SOCS7: variants seen among roughly 807,000 people sequenced by gnomAD.
The protein encoded by SOCS7 is NAP-4.
In SOCS7, 18 loss-of-function variants were observed where a neutral mutation model predicts 58.9. That is an observed-to-expected ratio of 0.31 (90% CI 0.21 to 0.45). The LOEUF is 0.45. Ranked by LOEUF, SOCS7 falls within the 20% of genes least tolerant of loss-of-function variation. The probability of loss-of-function intolerance (pLI) is 1.00; values close to 1 mark genes in which losing one functional copy is unlikely to be tolerated. For synonymous variants in SOCS7, 388 were observed against 364.3 expected (o/e 1.06, Z -0.74); for missense variants, 667 against 837.3 (o/e 0.80, Z 2.51).
At chr17:38,381,459 T>C (rs115793498) in intron 7 of SOCS7, among the ~76,000 whole-genome samples, 4,572 of 152,272 alleles carry the variant, frequency 0.03, 229 homozygotes, top group African/African-American at 0.11. Context: ...GTTCAGACTT[T>C]GGAATGATGA....
At chr17:38,398,534 A>G (rs2038274214) in intron 9 of SOCS7, among the ~76,000 whole-genome samples, 1 of 152,136 alleles carries the variant, frequency 6.6e-6, no homozygotes, top group Admixed American at 6.6e-5. Context: ...GGCATGAGCC[A>G]CTGTGCCCCA....
At chr17:38,389,120 ATGAAGTGGTAGC>A (rs1444454052) in intron 7 of SOCS7, among the ~76,000 whole-genome samples, 1 of 152,208 alleles carries the variant, frequency 6.6e-6, no homozygotes, top group Non-Finnish European at 1.5e-5. Context: ...CCTAGTGAGT[ATGAAGTGGTAGC>A]TCATTGTGGT....
chr17:38,377,758 C>G lies in SOCS7; in HGVS notation c.1597C>G (p.Gln533Glu). 1 of 1,613,136 alleles carries G rather than the reference C, an allele frequency of 6.2e-7. No homozygotes were observed. Among genetic ancestry groups the G allele is most frequent in the Non-Finnish European group, 8.5e-7 (1 of 1,179,444 alleles). ...WCHPKFEDRC[Q>E]SVVEFIKRAI... Reference sequence around the variant, plus strand: ...TCATCCCAAGTTTGAGGACCGCTGTCAATCTGTTGTAGAGTTTATTAAGAG... The same window carrying G: ...TCATCCCAAGTTTGAGGACCGCTGTGAATCTGTTGTAGAGTTTATTAAGAG... Residue 533 changes from glutamine (Q) to glutamate (E), a missense_variant, in exon 7 of 10, where the codon CAA (glutamine) becomes GAA (glutamate). Gln to Glu is a conservative substitution (Grantham distance 29). Coordinates refer to ENST00000612932, the MANE Select transcript of SOCS7 (RefSeq NM_014598.4).
intron 7 of SOCS7, among the ~76,000 whole-genome samples, chr17:38,384,966 A>AGCTCACTGCAACCTCC (rs2038050546): frequency 7.4e-6 from 1 of 134,416 alleles, no homozygotes; most frequent in Admixed American, 8.5e-5. Context: ...GCGCAATCTC[A>AGCTCACTGCAACCTCC]GCTCACTGCA....
At chr17:38,365,957 C>T (rs956956125) in intron 4 of SOCS7, 32 of 1,078,026 alleles carry the variant, frequency 3.0e-5, no homozygotes, top group South Asian at 8.4e-5. Flanking sequence ...GCTGCCTTAT[C>T]GGCACTTCAC....
At chr17:38,363,014 C>T (rs1036173521) in intron 2 of SOCS7, among the ~76,000 whole-genome samples, 4 of 151,606 alleles carry the variant, frequency 2.6e-5, no homozygotes, top group South Asian at 2.1e-4. Context: ...CTCGGGAGGC[C>T]GAGGCAGGAG....
intron 1 of SOCS7, among the ~76,000 whole-genome samples, chr17:38,359,557 A>T (rs1345441019): frequency 6.6e-6 from 1 of 152,178 alleles, no homozygotes; most frequent in Non-Finnish European, 1.5e-5. Flanking sequence ...AATTTAAAAT[A>T]GAATTTCATT....
At chr17:38,381,739 G>A (rs752211516) in intron 7 of SOCS7, among the ~76,000 whole-genome samples, 2 of 151,612 alleles carry the variant, frequency 1.3e-5, no homozygotes, top group Non-Finnish European at 2.9e-5. Context: ...CAAGGTGGGC[G>A]GATTGCCTGA....
rs566793581 is a variant in SOCS7 at position 38,405,448 on chromosome 17, A to G, written c.*5966A>G. ...GCTGCAGGTCCTGTTTGGAAACCCCATGTACAATTCCCAGTTTTTTGTAAG... is the reference window on the plus strand; with the variant it reads ...GCTGCAGGTCCTGTTTGGAAACCCCGTGTACAATTCCCAGTTTTTTGTAAG... On this transcript the variant is annotated 3_prime_UTR_variant, in exon 10 of 10. Transcript: ENST00000612932. 2.0e-5 allele frequency: 3 copies of G among 152,168 alleles called. No homozygotes were observed. Among genetic ancestry groups the G allele is most frequent in the Non-Finnish European group, 2.9e-5 (2 of 68,056 alleles). 9.4% of individuals were successfully genotyped at this position (152,168 alleles called of 1,614,324 possible). A position where few individuals can be genotyped will look rare whatever the true frequency, so the allele number is the denominator to read the frequency against.
intron 2 of SOCS7, among the ~76,000 whole-genome samples, chr17:38,363,799 C>T (rs1444540311): frequency 6.6e-6 from 1 of 152,032 alleles, no homozygotes; most frequent in Non-Finnish European, 1.5e-5. Context: ...CTGAGGGGCT[C>T]ATTCAGCCCT....
At position 38,398,417 on chromosome 17, in the gene SOCS7, G is replaced by T. The variant is rs913620086; in HGVS notation, c.*31-1096G>T. Among the ~76,000 whole-genome samples the T allele has an allele frequency of 1.1e-3, 162 of 151,866 alleles. 1 individual carries two copies. Among genetic ancestry groups the T allele is most frequent in the Non-Finnish European group, 6.2e-4 (42 of 67,936 alleles). ...TGCACCACCACGCCTGGCTAATTTT[G>T]TATTTTTAGTAGACTGGGTTTCACC... is the stretch of plus-strand genomic sequence containing the variant. On this transcript the variant is annotated intron_variant, in intron 9 of 9. Coordinates refer to ENST00000612932, the MANE Select transcript of SOCS7 (RefSeq NM_014598.4).
chr17:38,396,077 C>A, intron 9 of SOCS7, 79 bp downstream of exon 9: 1 of 1,180,018 alleles, frequency 8.5e-7, no homozygotes, highest in Non-Finnish European at 1.1e-6. Flanking sequence ...TGGGCCCCCT[C>A]CCCACAACTC....
chr17:38,366,180 T>TAATG (rs1221924354), intron 4 of SOCS7, 107 bp from the exon 5 acceptor site: 26 of 1,464,172 alleles, frequency 1.8e-5, no homozygotes, highest in Non-Finnish European at 2.3e-5. Context: ...GCTTAGCTTC[T>TAATG]AATGCCTTGC....
intron 7 of SOCS7, among the ~76,000 whole-genome samples, chr17:38,385,362 G>T (rs2038055065): frequency 6.6e-6 from 1 of 151,378 alleles, no homozygotes; most frequent in African/African-American, 2.4e-5. Context: ...AATGGTAATT[G>T]AATTCAAAGG....
chr17:38,390,785 C>T (rs973340126), intron 7 of SOCS7, among the ~76,000 whole-genome samples: 1 of 151,388 alleles, frequency 6.6e-6, no homozygotes, highest in African/African-American at 2.4e-5. Flanking sequence ...CAACCTCCAC[C>T]TCCCTGGCCC....
intron 7 of SOCS7, among the ~76,000 whole-genome samples, chr17:38,388,408 A>G (rs1357461786): frequency 6.6e-6 from 1 of 152,054 alleles, no homozygotes; most frequent in Non-Finnish European, 1.5e-5. Flanking sequence ...AGTCCCAGCT[A>G]CTCAGGAGGC....
At chr17:38,359,789 A>T (rs1026608048) in intron 1 of SOCS7, among the ~76,000 whole-genome samples, 26 of 150,418 alleles carry the variant, frequency 1.7e-4, no homozygotes, top group South Asian at 1.3e-3. Context: ...ATTAAAAAAA[A>T]TTTTTTTTTG....
At chr17:38,369,492 T>G (rs1251799773) in intron 6 of SOCS7, among the ~76,000 whole-genome samples, 1 of 152,178 alleles carries the variant, frequency 6.6e-6, no homozygotes, top group Non-Finnish European at 1.5e-5. Context: ...TTCTGCTGTT[T>G]GTGAAAACAA....
chr17:38,387,518 T>TGTATATATTATATACACAATATATA (rs2038090489), intron 7 of SOCS7, among the ~76,000 whole-genome samples: 4 of 141,754 alleles, frequency 2.8e-5, no homozygotes, highest in Non-Finnish European at 6.0e-5. Flanking sequence ...CACAATATAT[T>TGTATATATTATATACACAATATATA]GTATATATTA....
Sources: allele counts gnomAD v4.1 joint callset (sites outside exome capture counted in the v4.1 genomes callset), GRCh38; gene constraint gnomAD v4.1.1; transcripts MANE v1.5; gene names NCBI Gene and HGNC (gene_info 2026-07-23, HGNC 2026-07-21).